The following PKP2 variants were observed in gnomAD, a reference collection of about 807,000 sequenced individuals.
The protein encoded by PKP2 is plakophilin-2.
A neutral mutation model predicts 83.4 loss-of-function variants in PKP2; 73 were observed. The ratio of observed to expected loss-of-function variants is 0.88; its 90% CI spans 0.72 to 1.06. The LOEUF is 1.06. Among genes scored for constraint, PKP2 ranks in the 50% least tolerant of loss-of-function variants. PKP2 has a pLI of 0.00. For synonymous variants in PKP2, 409 were observed against 430.4 expected (o/e 0.95, Z 0.62); for missense variants, 966 against 1,065.4 (o/e 0.91, Z 1.30).
chr12:32,847,047 G>A (rs997614714), intron 5 of PKP2, among the ~76,000 whole-genome samples: 2 of 151,692 alleles, frequency 1.3e-5, no homozygotes, highest in African/African-American at 4.8e-5. Context: ...AGGAGAAATA[G>A]GGATAAAAAA....
chr12:32,864,172 A>G (rs974952569), intron 4 of PKP2, among the ~76,000 whole-genome samples: 2 of 152,056 alleles, frequency 1.3e-5, no homozygotes, highest in African/African-American at 4.8e-5. Flanking sequence ...TTTATAAAAA[A>G]CCTACAGGTA....
intron 5 of PKP2, 146 bp downstream of exon 5, chr12:32,850,620 G>GGTAAC: frequency 1.4e-6 from 1 of 716,464 alleles, no homozygotes; most frequent in South Asian, 1.5e-5. Context: ...TAAGCCAGCA[G>GGTAAC]GTAACAATGT....
intron 6 of PKP2, among the ~76,000 whole-genome samples, chr12:32,825,156 C>G (rs1956423617): frequency 7.0e-6 from 1 of 142,932 alleles, no homozygotes; most frequent in African/African-American, 2.6e-5. Context: ...TGTATCAGAT[C>G]AGTTTCTTTT....
In PKP2 at chr12:32,869,008, G is replaced by A. The variant is rs1956874724; in HGVS notation, c.1089C>T (p.Asp363=). 6.2e-7 allele frequency: 1 copy of A among 1,613,504 alleles called. No individual in the cohort carries two copies. Among genetic ancestry groups the A allele is most frequent in the South Asian group, 1.1e-5 (1 of 91,078 alleles). ...LERAVSMLEA[D]HMLPSRISAA... is the part of the protein sequence containing the mutation. ...CAGAAATCCTGGATGGCAGCATGTG[G>A]TCTGCCTCGAGCATACTCACTGCTC... The change falls in exon 4 of 13, where the codon GAC becomes GAT. Residue 363 remains aspartate, a synonymous_variant. Coordinates refer to ENST00000340811, the MANE Select transcript of PKP2 (RefSeq NM_001005242.3).
rs913390126 is a variant in PKP2, at chr12:32,864,302, A to G, written c.1170+4625T>C. ...TGTAGGAGAGGTTCTAGCAAGTACT[A>G]TACACATACACACACACACACACAC... On this transcript the variant is annotated intron_variant, in intron 4 of 12. Transcript: ENST00000340811. 2.2e-4 allele frequency among the ~76,000 whole-genome samples: 14 copies of G among 64,684 alleles called. 1 individual carries two copies. The highest frequency in any genetic ancestry group is 3.9e-4 in the Non-Finnish European group (12 of 30,960). The allele number at this position is 64,684 out of a possible 152,430, so 42.4% of individuals were successfully genotyped here.
chr12:32,855,014 C>T (rs1301357927), intron 4 of PKP2, among the ~76,000 whole-genome samples: 1 of 152,224 alleles, frequency 6.6e-6, no homozygotes, highest in Non-Finnish European at 1.5e-5. Flanking sequence ...AATGTCACTC[C>T]TTTCTCTGCT....
At chr12:32,821,238 G>T in intron 9 of PKP2, 118 bp downstream of exon 9, 1 of 953,316 alleles carries the variant, frequency 1.0e-6, no homozygotes, top group Non-Finnish European at 1.6e-6. Flanking sequence ...TCTGAGAATT[G>T]TCTTTACTAA....
At chr12:32,841,228 T>G in intron 5 of PKP2, 23 bp from the exon 6 acceptor site, 1 of 1,601,158 alleles carries the variant, frequency 6.2e-7, no homozygotes, top group Non-Finnish European at 8.5e-7. Flanking sequence ...AGAGTTACCA[T>G]GAAAACAGTG....
intron 11 of PKP2, among the ~76,000 whole-genome samples, chr12:32,794,934 A>G (rs907557323): frequency 1.3e-5 from 2 of 152,200 alleles, no homozygotes; most frequent in African/African-American, 4.8e-5. Context: ...TAACATGTAC[A>G]TCCCTGTACA....
At chr12:32,810,675 A>ATTTTT (rs1222143443) in intron 9 of PKP2, among the ~76,000 whole-genome samples, 2 of 28,752 alleles carry the variant, frequency 7.0e-5, no homozygotes, top group Non-Finnish European at 1.2e-4. Context: ...TAGAATAAAC[A>ATTTTT]TTTTTTTTTT....
chr12:32,819,885 A>AACCCCC (rs1956360247), intron 9 of PKP2, among the ~76,000 whole-genome samples: 2 of 145,632 alleles, frequency 1.4e-5, no homozygotes, highest in Non-Finnish European at 3.0e-5. Flanking sequence ...CGCACACACA[A>AACCCCC]CCCCCCCCCC....
At chr12:32,835,492 G>GA (rs943390549) in intron 6 of PKP2, among the ~76,000 whole-genome samples, 2 of 146,816 alleles carry the variant, frequency 1.4e-5, no homozygotes, top group Non-Finnish European at 3.0e-5. Context: ...AGGAGGCTGT[G>GA]AAAAAAAAAG....
intron 7 of PKP2, among the ~76,000 whole-genome samples, chr12:32,823,007 G>A (rs1956397474): frequency 6.6e-6 from 1 of 152,138 alleles, no homozygotes. Flanking sequence ...GCACAATGTA[G>A]GAAAACATTA....
chr12:32,878,247 C>T lies in PKP2; in HGVS notation c.633G>A (p.Gln211=). Residue 211 remains glutamine, a synonymous_variant, in exon 3 of 13, where the codon CAG becomes CAA. Coordinates refer to ENST00000340811, the MANE Select transcript of PKP2 (RefSeq NM_001005242.3). The part of the protein sequence containing the change: ...GVSRAGTTSR[Q]RHFDTYHRQY... ...GTCTGTGGTATGTGTCAAAGTGGCG[C>T]TGCCTGCTTGTGGTGCCAGCACGGC... 1.9e-6 allele frequency: 3 copies of T among 1,614,084 alleles called. No homozygotes were observed. The highest frequency in any genetic ancestry group is 1.1e-5 in the South Asian group (1 of 91,080).
chr12:32,852,299 G>A (rs1028906857), intron 4 of PKP2, among the ~76,000 whole-genome samples: 3 of 152,180 alleles, frequency 2.0e-5, no homozygotes, highest in African/African-American at 4.8e-5. Context: ...AGAGCTGCAC[G>A]CCTGGCCAGG....
chr12:32,891,237 ATAATT>A (rs1957073259), intron 1 of PKP2, among the ~76,000 whole-genome samples: 2 of 152,316 alleles, frequency 1.3e-5, no homozygotes, highest in Admixed American at 6.5e-5. Flanking sequence ...TCAGAATTGT[ATAATT>A]TAAACTTGTT....
rs1272056823 is a variant in PKP2, at chr12:32,791,389, C to T, written c.*1035G>A. On this transcript the variant is annotated 3_prime_UTR_variant, in exon 13 of 13. Coordinates refer to ENST00000340811, the MANE Select transcript of PKP2 (RefSeq NM_001005242.3). The stretch of plus-strand genomic sequence containing the variant: ...GAGATCTAGTGGCTCTGTGATATTT[C>T]TTAAATGGTGGGCAAGGCTGGGCTG... 2 of 152,070 alleles carry T rather than the reference C, an allele frequency of 1.3e-5. No homozygotes were observed. Among genetic ancestry groups the T allele is most frequent in the Non-Finnish European group, 2.9e-5 (2 of 68,030 alleles). 9.4% of individuals were successfully genotyped at this position (152,070 alleles called of 1,614,324 possible).
intron 9 of PKP2, among the ~76,000 whole-genome samples, chr12:32,810,223 T>G (rs1956264817): frequency 6.6e-6 from 1 of 152,148 alleles, no homozygotes; most frequent in South Asian, 2.1e-4. Flanking sequence ...ATTTTGGCCA[T>G]TTCACCATTG....
intron 1 of PKP2, among the ~76,000 whole-genome samples, chr12:32,892,781 C>T (rs1202569675): frequency 8.1e-6 from 1 of 122,722 alleles, no homozygotes; most frequent in Non-Finnish European, 1.6e-5. Flanking sequence ...CAATTTAAAA[C>T]ACAATTTTCT....
Sources: allele counts gnomAD v4.1 joint callset (sites outside exome capture counted in the v4.1 genomes callset), GRCh38; gene constraint gnomAD v4.1.1; transcripts MANE v1.5; gene names NCBI Gene and HGNC (gene_info 2026-07-23, HGNC 2026-07-21).